The following CCDC3 variants were observed in gnomAD, a reference collection of about 807,000 sequenced individuals.
The protein encoded by CCDC3 is coiled-coil domain-containing protein 3.
Under a neutral mutation model 21.4 loss-of-function variants are expected in CCDC3, and 24 were observed. The ratio of observed to expected loss-of-function variants is 1.12; its 90% CI spans 0.81 to 1.58. The LOEUF (loss-of-function observed/expected upper bound fraction) is 1.58. CCDC3 is among the 40% of genes most tolerant of loss of function. The probability of loss-of-function intolerance (pLI) is 0.00; values close to 1 mark genes in which losing one functional copy is unlikely to be tolerated. For synonymous variants in CCDC3, 186 were observed against 166.0 expected, an observed-to-expected ratio of 1.12 and a Z score of -0.93; for missense variants, 425 against 360.9, an observed-to-expected ratio of 1.18 and a Z score of -1.44.
At chr10:13,035,681 T>C (rs1226101947) in intron 5 of CCDC3, among the ~76,000 whole-genome samples, 1 of 152,208 alleles carries the variant, frequency 6.6e-6, no homozygotes. Context: ...CATCCAGGTT[T>C]TATGATCATC....
At chr10:12,927,757 G>A (rs746394858) in intron 2 of CCDC3, among the ~76,000 whole-genome samples, 2 of 152,118 alleles carry the variant, frequency 1.3e-5, no homozygotes, top group Non-Finnish European at 2.9e-5. Context: ...TGAACCTATT[G>A]GGGTTAATTT....
chr10:12,931,560 T>C (rs1053692918), intron 2 of CCDC3, among the ~76,000 whole-genome samples: 4 of 152,214 alleles, frequency 2.6e-5, no homozygotes, highest in African/African-American at 9.6e-5. Flanking sequence ...GCATTTGGTT[T>C]TTCTATAGCT....
intron 3 of CCDC3, among the ~76,000 whole-genome samples, chr10:13,094,377 GC>G (rs1383253570): frequency 1.3e-5 from 2 of 152,000 alleles, no homozygotes; most frequent in African/African-American, 4.8e-5. Context: ...TCCTACCTCA[GC>G]CTCTAGTAGC....
At chr10:12,928,446 A>C (rs926346522) in intron 2 of CCDC3, among the ~76,000 whole-genome samples, 2 of 152,208 alleles carry the variant, frequency 1.3e-5, no homozygotes, top group African/African-American at 4.8e-5. Context: ...AACATCCTCA[A>C]TAGGCTACAT....
At chr10:13,098,117 C>T (rs967243805) in intron 3 of CCDC3, among the ~76,000 whole-genome samples, 2 of 151,990 alleles carry the variant, frequency 1.3e-5, no homozygotes, top group African/African-American at 4.8e-5. Flanking sequence ...GTGTGCAGTG[C>T]TTCAGGGCAC....
intron 2 of CCDC3, among the ~76,000 whole-genome samples, chr10:12,970,907 TC>T (rs760725555): frequency 9.3e-4 from 141 of 151,574 alleles, no homozygotes; most frequent in Non-Finnish European, 1.7e-3. Context: ...AAAAAAATTG[TC>T]AGTCTGCAAA....
intron 5 of CCDC3, among the ~76,000 whole-genome samples, chr10:13,039,731 T>C (rs1378546774): frequency 1.3e-5 from 2 of 152,114 alleles, no homozygotes; most frequent in East Asian, 3.8e-4. Flanking sequence ...TAATTCTCTT[T>C]TCCTGGATCT....
At chr10:12,952,323 A>G (rs1835019898) in intron 2 of CCDC3, among the ~76,000 whole-genome samples, 1 of 152,238 alleles carries the variant, frequency 6.6e-6, no homozygotes, top group Non-Finnish European at 1.5e-5. Context: ...ACTTGATGAT[A>G]GAATGAATTA....
At chr10:12,995,629 G>C (rs188463912) in intron 2 of CCDC3, among the ~76,000 whole-genome samples, 1 of 152,188 alleles carries the variant, frequency 6.6e-6, no homozygotes, top group South Asian at 2.1e-4. Context: ...GTCTGGAAAC[G>C]TGCAGAGTCC....
intron 2 of CCDC3, among the ~76,000 whole-genome samples, chr10:12,981,497 T>G (rs1034485344): frequency 6.6e-6 from 1 of 152,076 alleles, no homozygotes; most frequent in African/African-American, 2.4e-5. Flanking sequence ...AGGATCCTTT[T>G]GGATCCACCT....
chr10:12,915,863 T>C (rs1043945358), intron 2 of CCDC3, among the ~76,000 whole-genome samples: 3 of 152,106 alleles, frequency 2.0e-5, no homozygotes, highest in Admixed American at 2.0e-4. Flanking sequence ...GCCTGGAGCC[T>C]GAGTCCATGA....
rs565096773 is a variant in CCDC3 at position 13,010,171 on chromosome 10, C to G, written c.-1-11659G>C. Among the ~76,000 whole-genome samples, 52 of 152,222 alleles carry G rather than the reference C, an allele frequency of 3.4e-4. 1 individual carries two copies. Among genetic ancestry groups the G allele is most frequent in the African/African-American group, 1.3e-3 (52 of 41,534 alleles). On this transcript the variant is annotated intron_variant, in intron 5 of 6. Coordinates refer to the CCDC3 transcript ENST00000378839. ...TCCGAAGCAAGAGAATCGCTTGAAC[C>G]TGGGAGGTAGAGTTTGGAGTGAGCC...
chr10:12,905,294 TTTTG>T (rs1167374263), intron 2 of CCDC3, among the ~76,000 whole-genome samples: 1 of 152,246 alleles, frequency 6.6e-6, no homozygotes, highest in Non-Finnish European at 1.5e-5. Flanking sequence ...TCAGTTTATG[TTTTG>T]TTTGTGGCAG....
intron 2 of CCDC3, among the ~76,000 whole-genome samples, chr10:12,932,351 A>G (rs1245845036): frequency 6.6e-6 from 1 of 152,232 alleles, no homozygotes; most frequent in Non-Finnish European, 1.5e-5. Context: ...ACACTGGTCT[A>G]CAGTTGGACA....
At chr10:13,030,810 A>G (rs1443784035) in intron 5 of CCDC3, among the ~76,000 whole-genome samples, 1 of 152,198 alleles carries the variant, frequency 6.6e-6, no homozygotes, top group African/African-American at 2.4e-5. Context: ...CTAAATATAT[A>G]TGCACCCAAT....
chr10:12,898,429 TA>T lies in CCDC3; in HGVS notation c.799del (p.Tyr267ThrfsTer21), dbSNP rs556171792. 6.4e-4 allele frequency: 1,023 copies of T among 1,603,052 alleles called. 13 individuals carry two copies. In the Admixed American group the frequency reaches 0.017, roughly 26 times the overall value. On this transcript the variant is annotated frameshift_variant, in exon 3 of 3. Transcript: ENST00000378825. LOFTEE classifies it high-confidence loss of function. ...CCCCCAGGCCCGTTACCCCCGCAGG[TA>T]GGGGGGGCGCACGGGCCCCCGGGCA... ...INARGPVRPP[Y>X]LRG
At chr10:12,976,996 G>C (rs1228289235) in intron 2 of CCDC3, among the ~76,000 whole-genome samples, 1 of 152,212 alleles carries the variant, frequency 6.6e-6, no homozygotes, top group Non-Finnish European at 1.5e-5. Context: ...CTGTCAGGCC[G>C]AGTGCAGTGG....
Position 12,898,454 on chromosome 10 carries a change from C to G in CCDC3, c.775G>C (p.Ala259Pro). ...TAGGGGGGGCGCACGGGCCCCCGGG[C>G]ATTGATGTGCGGCAGCGCGCCCGCC... ...LAAGALPHIN[A>P]RGPVRPPYLR... The change falls in exon 3 of 3, where the codon GCC becomes CCC. Residue 259 changes from alanine to proline, a missense_variant. Ala to Pro is a conservative substitution (Grantham distance 27). Coordinates refer to ENST00000378825, the MANE Select transcript of CCDC3 (RefSeq NM_031455.4). 6.2e-7 allele frequency: 1 copy of G among 1,610,362 alleles called. No individual in the cohort carries two copies. The highest frequency in any genetic ancestry group is 8.5e-7 in the Non-Finnish European group (1 of 1,177,902).
intron 2 of CCDC3, among the ~76,000 whole-genome samples, chr10:12,945,464 A>G (rs986197974): frequency 1.3e-5 from 2 of 152,152 alleles, no homozygotes; most frequent in African/African-American, 4.8e-5. Flanking sequence ...GGATGCTTGT[A>G]AAAGTAGAAT....
Sources: gnomAD v4.1 joint callset for allele counts (sites outside exome capture counted in the v4.1 genomes callset) on GRCh38, gnomAD v4.1.1 for gene constraint, MANE v1.5 for transcripts, NCBI Gene and HGNC (gene_info 2026-07-23, HGNC 2026-07-21) for gene names.